The following PCDHA9 variants were observed in gnomAD, a reference collection of about 807,000 sequenced individuals.
The protein encoded by PCDHA9 is protocadherin alpha 9, also known as protocadherin alpha-9.
In PCDHA9, 62 loss-of-function variants were observed where a neutral mutation model predicts 62.0. That is an observed-to-expected ratio of 1.00 (90% CI 0.81 to 1.23). PCDHA9 has a LOEUF of 1.23. Ranked by LOEUF, PCDHA9 falls within the 50% of genes most tolerant of loss-of-function variation. The pLI, the probability that PCDHA9 is intolerant of heterozygous loss-of-function variation, is 0.00. For synonymous variants in PCDHA9, 557 were observed against 567.6 expected (o/e 0.98, Z 0.27); for missense variants, 1,205 against 1,249.8 (o/e 0.96, Z 0.54).
In PCDHA9 at chr5:140,877,377, C is replaced by A. The variant is rs575601254; in HGVS notation, c.2394+26488C>A. 8.1e-6 allele frequency: 13 copies of A among 1,614,008 alleles called. No homozygotes were observed. The South Asian group carries it at 1.1e-4, about 14-fold the overall frequency. ...ACACTGGCGAGATCAGCACGACACG[C>A]ATCCTGGATGAGGCGGACGCTCCGC... On this transcript the variant is annotated intron_variant, in intron 1 of 3. Transcript: ENST00000532602.
chr5:141,009,992 C>G lies in PCDHA9; in HGVS notation c.*55C>G. 1 of 1,578,492 alleles carries G rather than the reference C, an allele frequency of 6.3e-7. No homozygotes were observed. On this transcript the variant is annotated 3_prime_UTR_variant, in exon 4 of 4. Transcript: ENST00000532602. ...CAGTTTTTGTAATAATGGCAAATCT[C>G]TCCCATGTAGCAATTCCCTGCTCCT...
intron 1 of PCDHA9, chr5:140,866,524 A>G (rs1232306409): frequency 2.0e-5 from 3 of 152,186 alleles, no homozygotes; most frequent in Non-Finnish European, 2.9e-5. Context: ...AAGCCATGAT[A>G]GAGCAGAATT....
intron 1 of PCDHA9, among the ~76,000 whole-genome samples, chr5:140,943,453 G>A (rs545980639): frequency 2.6e-5 from 4 of 152,040 alleles, no homozygotes; most frequent in Non-Finnish European, 5.9e-5. Context: ...GAATTGATAA[G>A]GCTAAATGTG....
In PCDHA9 at chr5:140,883,892, G is replaced by C; in HGVS notation, c.2394+33003G>C. ...CCAGGTGAGCGCGCGCGACTCTGGC[G>C]TGCCGCCTCTGGGCAGCAACGTGAC... On this transcript the variant is annotated intron_variant, in intron 1 of 3. Transcript: ENST00000532602. 4 of 1,613,362 alleles carry C rather than the reference G, an allele frequency of 2.5e-6. No homozygotes were observed. The South Asian group carries it at 4.4e-5, about 18-fold the overall frequency.
intron 3 of PCDHA9, among the ~76,000 whole-genome samples, chr5:140,993,452 T>C (rs1218728585): frequency 1.5e-5 from 2 of 135,256 alleles, no homozygotes; most frequent in Non-Finnish European, 3.1e-5. Flanking sequence ...CTGTTCTCCT[T>C]CTTTCTTTCT....
At chr5:140,869,922 C>T in intron 1 of PCDHA9, 1 of 1,611,202 alleles carries the variant, frequency 6.2e-7, no homozygotes, top group Non-Finnish European at 8.5e-7. Flanking sequence ...ACGAAGGAGT[C>T]AATGGAGAGG....
In PCDHA9 at chr5:140,848,623, C is replaced by A. The variant is rs186780543; in HGVS notation, c.128C>A (p.Thr43Asn). 2.4e-3 allele frequency: 3,747 copies of A among 1,588,346 alleles called. 451 individuals carry two copies. Among genetic ancestry groups the A allele is most frequent in the Middle Eastern group, 8.5e-3 (48 of 5,656 alleles). The change falls in exon 1 of 4, where the codon ACC (threonine) becomes AAC (asparagine). Residue 43 changes from threonine (T) to asparagine (N), a missense_variant. This residue lies in a region of PCDHA9 where 208 missense variants were observed against 213.2 expected (regional missense o/e 0.98). Coordinates refer to ENST00000532602, the MANE Select transcript of PCDHA9 (RefSeq NM_031857.2). ...YSVPEEAEHG[T>N]FVGRIAQDLG... ...GTCCCGGAGGAAGCCGAACACGGCA[C>A]CTTCGTGGGCCGCATCGCGCAGGAC...
At chr5:140,967,803 C>T (rs1042188546) in intron 1 of PCDHA9, 3 of 1,614,066 alleles carry the variant, frequency 1.9e-6, no homozygotes, top group Admixed American at 3.3e-5. Flanking sequence ...GTGCCCATGG[C>T]AGGTCACTGC....
At chr5:140,897,872 A>G (rs1327007992) in intron 1 of PCDHA9, among the ~76,000 whole-genome samples, 1 of 152,068 alleles carries the variant, frequency 6.6e-6, no homozygotes, top group Non-Finnish European at 1.5e-5. Context: ...CTTTTTAATG[A>G]TTGCCATTCT....
Position 140,907,311 on chromosome 5 carries a change from T to C in PCDHA9, c.2394+56422T>C, listed in dbSNP as rs534638330. Among the ~76,000 whole-genome samples the C allele has an allele frequency of 5.9e-5, 9 of 152,292 alleles. No individual in the cohort carries two copies. The East Asian group carries it at 1.7e-3, about 29-fold the overall frequency. On this transcript the variant is annotated intron_variant, in intron 1 of 3. Coordinates refer to ENST00000532602, the MANE Select transcript of PCDHA9 (RefSeq NM_031857.2). Reference sequence around the variant, plus strand: ...AGCTGCTTCAGGATGATGGGGAACATGTAAAGACCAGTGAATTCCATATGC... The same window carrying C: ...AGCTGCTTCAGGATGATGGGGAACACGTAAAGACCAGTGAATTCCATATGC...
At chr5:141,003,536 C>T (rs1409675219) in intron 3 of PCDHA9, among the ~76,000 whole-genome samples, 1 of 152,152 alleles carries the variant, frequency 6.6e-6, no homozygotes, top group Non-Finnish European at 1.5e-5. Context: ...TGGTCTTGAA[C>T]TCCTGGCTTC....
chr5:140,955,987 A>G (rs1185683030), intron 1 of PCDHA9, among the ~76,000 whole-genome samples: 3 of 152,198 alleles, frequency 2.0e-5, no homozygotes, highest in African/African-American at 7.2e-5. Flanking sequence ...CAATTTTTGC[A>G]CATTGATTTT....
At chr5:140,967,555 C>G (rs782586326) in intron 1 of PCDHA9, 3 of 1,614,008 alleles carry the variant, frequency 1.9e-6, no homozygotes, top group Non-Finnish European at 2.5e-6. Context: ...CCACTTATCG[C>G]GTCCAGCTAC....
At chr5:140,981,223 T>C (rs1472733562) in intron 2 of PCDHA9, among the ~76,000 whole-genome samples, 2 of 152,234 alleles carry the variant, frequency 1.3e-5, no homozygotes, top group Non-Finnish European at 2.9e-5. Context: ...CTTTAGTCAG[T>C]AGTCTAAATT....
At chr5:140,907,144 G>A (rs1006725502) in intron 1 of PCDHA9, among the ~76,000 whole-genome samples, 17 of 152,104 alleles carry the variant, frequency 1.1e-4, no homozygotes, top group Non-Finnish European at 2.4e-4. Flanking sequence ...CCGGCTATGG[G>A]AGAAACAGTA....
chr5:140,956,885 T>A (rs1156888418), intron 1 of PCDHA9, among the ~76,000 whole-genome samples: 1 of 152,194 alleles, frequency 6.6e-6, no homozygotes, highest in Non-Finnish European at 1.5e-5. Flanking sequence ...TAGATATCAA[T>A]GAATGAATAT....
At chr5:140,931,216 A>G (rs1347905969) in intron 1 of PCDHA9, among the ~76,000 whole-genome samples, 4 of 152,190 alleles carry the variant, frequency 2.6e-5, no homozygotes, top group African/African-American at 9.6e-5. Context: ...TTCAGGTATC[A>G]GAGCACTTAA....
chr5:140,981,232 T>G (rs768766953), intron 2 of PCDHA9, among the ~76,000 whole-genome samples: 32 of 152,216 alleles, frequency 2.1e-4, no homozygotes, highest in Non-Finnish European at 4.3e-4. Context: ...GTAGTCTAAA[T>G]TTTATTTTAG....
Position 140,882,079 on chromosome 5 carries a change from G to A in PCDHA9, c.2394+31190G>A. ...CTTACACGTTCATGCGCATGGTGTC[G>A]CTCTTCACTGAGAACGTTTCCGCGA... On this transcript the variant is annotated intron_variant, in intron 1 of 3. Transcript: ENST00000532602. The A allele has an allele frequency of 3.1e-6, 3 of 952,852 alleles. No homozygotes were observed. In the East Asian group the frequency reaches 7.8e-5, roughly 25 times the overall value. 59.0% of individuals were successfully genotyped at this position (952,852 alleles called of 1,614,324 possible). A position where few individuals can be genotyped will look rare whatever the true frequency, so the allele number is the denominator to read the frequency against.
Sources: allele counts gnomAD v4.1 joint callset (sites outside exome capture counted in the v4.1 genomes callset), GRCh38; gene constraint gnomAD v4.1.1; regional missense constraint gnomAD v4.1.1; transcripts MANE v1.5; gene names NCBI Gene and HGNC (gene_info 2026-07-23, HGNC 2026-07-21).